The following AGBL4 variants were observed in gnomAD, a reference collection of about 807,000 sequenced individuals.
AGBL4 encodes AGBL carboxypeptidase 4.
A neutral mutation model predicts 66.4 loss-of-function variants in AGBL4; 58 were observed. The observed-to-expected ratio is 0.87, with a 90% CI of 0.71 to 1.09. The LOEUF (loss-of-function observed/expected upper bound fraction) is 1.09, where lower values mean the gene tolerates loss of function less well. Among genes scored for constraint, AGBL4 ranks in the 50% least tolerant of loss-of-function variants. AGBL4 has a pLI of 0.00. For missense variants in AGBL4, 579 were observed against 631.0 expected, an observed-to-expected ratio of 0.92 and a Z score of 0.88; for synonymous variants, 234 against 222.9, an observed-to-expected ratio of 1.05 and a Z score of -0.44.
intron 3 of AGBL4, among the ~76,000 whole-genome samples, chr1:49,258,901 A>G (rs1652821323): frequency 6.6e-6 from 1 of 152,250 alleles, no homozygotes; most frequent in Admixed American, 6.5e-5. Flanking sequence ...AAGGGCAGCC[A>G]GAGAGAAAGG....
intron 3 of AGBL4, among the ~76,000 whole-genome samples, chr1:49,486,056 AT>A (rs1230895538): frequency 2.0e-5 from 3 of 152,018 alleles, no homozygotes; most frequent in Non-Finnish European, 2.9e-5. Context: ...GCTATTAGAG[AT>A]GCTCAAAGCT....
chr1:49,737,991 G>A (rs1650043682), intron 2 of AGBL4, among the ~76,000 whole-genome samples: 1 of 152,138 alleles, frequency 6.6e-6, no homozygotes. Context: ...TGGGTGCAGT[G>A]CACCGAGCGT....
chr1:48,739,869 T>G (rs775416198), intron 6 of AGBL4, among the ~76,000 whole-genome samples: 1 of 152,200 alleles, frequency 6.6e-6, no homozygotes, highest in Non-Finnish European at 1.5e-5. Context: ...CAGGAAACAC[T>G]CCTTAATTAC....
chr1:49,808,202 G>C (rs577795005), intron 2 of AGBL4, among the ~76,000 whole-genome samples: 1 of 152,156 alleles, frequency 6.6e-6, no homozygotes, highest in South Asian at 2.1e-4. Context: ...TATGGTGACA[G>C]AAATTTTTGG....
intron 1 of AGBL4, among the ~76,000 whole-genome samples, chr1:49,862,280 T>C (rs563667681): frequency 1.3e-5 from 2 of 150,888 alleles, no homozygotes; most frequent in African/African-American, 2.4e-5. Flanking sequence ...GGTTCTTCAA[T>C]AGCAGAACTG....
intron 3 of AGBL4, among the ~76,000 whole-genome samples, chr1:49,314,675 G>A (rs535909462): frequency 6.6e-6 from 1 of 152,172 alleles, no homozygotes; most frequent in East Asian, 1.9e-4. Context: ...ATTGTGAACA[G>A]TGCTGCAATA....
chr1:49,214,369 T>A (rs1220671620), intron 4 of AGBL4, among the ~76,000 whole-genome samples: 2 of 152,090 alleles, frequency 1.3e-5, no homozygotes, highest in Non-Finnish European at 2.9e-5. Context: ...TGGTAAACAA[T>A]TTGAATGGAT....
intron 3 of AGBL4, among the ~76,000 whole-genome samples, chr1:49,372,611 CTT>C (rs1187077117): frequency 0.031 from 312 of 9,948 alleles, 1 homozygote; most frequent in Non-Finnish European, 0.039. Flanking sequence ...TTTTCTTTTT[CTT>C]TCTTTCTTTC....
intron 1 of AGBL4, chr1:49,995,306 G>A (rs1660283712): frequency 4.4e-6 from 2 of 454,288 alleles, no homozygotes; most frequent in African/African-American, 4.0e-5. Flanking sequence ...CAGTGCTATT[G>A]GGGTGCACAG....
chr1:48,738,179 T>C (rs1649359409), intron 6 of AGBL4, among the ~76,000 whole-genome samples: 1 of 152,146 alleles, frequency 6.6e-6, no homozygotes, highest in African/African-American at 2.4e-5. Flanking sequence ...ATTACTGAAA[T>C]TTTCCAACCA....
chr1:49,359,596 T>C (rs1416057326), intron 3 of AGBL4, among the ~76,000 whole-genome samples: 4 of 152,286 alleles, frequency 2.6e-5, no homozygotes, highest in African/African-American at 9.6e-5. Flanking sequence ...CAATCAAAAG[T>C]TGACCTCATG....
At chr1:48,987,606 G>T (rs1434758277) in intron 5 of AGBL4, among the ~76,000 whole-genome samples, 2 of 152,006 alleles carry the variant, frequency 1.3e-5, no homozygotes, top group African/African-American at 4.8e-5. Context: ...TACATAGATA[G>T]AAAATCAGAA....
chr1:49,416,247 A>G (rs1312588368), intron 3 of AGBL4, among the ~76,000 whole-genome samples: 1 of 152,176 alleles, frequency 6.6e-6, no homozygotes, highest in African/African-American at 2.4e-5. Flanking sequence ...AAAGGCATAT[A>G]TGCATATGTA....
At chr1:49,888,805 CT>C (rs1401828552) in intron 1 of AGBL4, among the ~76,000 whole-genome samples, 2 of 152,160 alleles carry the variant, frequency 1.3e-5, no homozygotes, top group Non-Finnish European at 2.9e-5. Context: ...TTTGGGTTTT[CT>C]GTAAAATGGC....
chr1:49,907,053 C>T (rs1358777447), intron 1 of AGBL4, among the ~76,000 whole-genome samples: 1 of 152,132 alleles, frequency 6.6e-6, no homozygotes, highest in Non-Finnish European at 1.5e-5. Flanking sequence ...TCTGCCCATG[C>T]TGACCATGCC....
intron 1 of AGBL4, chr1:50,017,527 A>G (rs1460039979): frequency 1.3e-5 from 2 of 152,200 alleles, no homozygotes; most frequent in Non-Finnish European, 2.9e-5. Flanking sequence ...TATACCACAG[A>G]ATACTACACA....
chr1:49,058,964 G>A (rs1157057170), intron 4 of AGBL4, among the ~76,000 whole-genome samples: 5 of 152,174 alleles, frequency 3.3e-5, no homozygotes, highest in Non-Finnish European at 7.3e-5. Context: ...AGGAAGAAGA[G>A]CAGAAAAGTT....
intron 5 of AGBL4, among the ~76,000 whole-genome samples, chr1:49,030,208 A>T (rs1664090168): frequency 6.6e-6 from 1 of 151,972 alleles, no homozygotes; most frequent in Admixed American, 6.6e-5. Flanking sequence ...GGCCTTTGAG[A>T]GGTAATTAGG....
intron 3 of AGBL4, among the ~76,000 whole-genome samples, chr1:49,600,847 A>G (rs147250639): frequency 6.6e-6 from 1 of 151,734 alleles, no homozygotes; most frequent in East Asian, 2.0e-4. Flanking sequence ...TGTAAAGGTT[A>G]TGAAGTTAGT....
Sources: allele counts gnomAD v4.1 joint callset (sites outside exome capture counted in the v4.1 genomes callset), GRCh38; gene constraint gnomAD v4.1.1; transcripts MANE v1.5; gene names NCBI Gene and HGNC (gene_info 2026-07-23, HGNC 2026-07-21).